RALYL: variants seen among roughly 807,000 people sequenced by gnomAD.
RALYL encodes the protein RNA-binding Raly-like protein.
In RALYL, 29 loss-of-function variants were observed where a neutral mutation model predicts 35.1. The observed-to-expected ratio is 0.83, with a 90% CI of 0.61 to 1.13. The LOEUF is 1.13. RALYL is among the 50% of genes most tolerant of loss of function. The pLI, the probability that RALYL is intolerant of heterozygous loss-of-function variation, is 0.00. For synonymous variants in RALYL, 120 were observed against 127.6 expected (o/e 0.94, Z 0.40); for missense variants, 359 against 360.4 (o/e 1.00, Z 0.03).
At chr8:84,336,757 C>T (rs567129116) in intron 1 of RALYL, among the ~76,000 whole-genome samples, 249 of 152,086 alleles carry the variant, frequency 1.6e-3, no homozygotes, top group African/African-American at 5.8e-3. Context: ...TACAGAGCCA[C>T]AACCATCACT....
At chr8:84,873,222 T>G in intron 6 of RALYL, 62 bp from the exon 7 acceptor site, 3 of 888,152 alleles carry the variant, frequency 3.4e-6, no homozygotes, top group Non-Finnish European at 5.4e-6. Flanking sequence ...GTGAGTTCGG[T>G]CCTAGGTGAG....
At chr8:84,839,151 G>A (rs1677816986) in intron 4 of RALYL, among the ~76,000 whole-genome samples, 1 of 152,176 alleles carries the variant, frequency 6.6e-6, no homozygotes, top group Admixed American at 6.5e-5. Flanking sequence ...CACTGAGTGT[G>A]AGCCAAAGCA....
chr8:84,530,763 A>G lies in RALYL; in HGVS notation c.256+1186A>G, dbSNP rs559175539. On this transcript the variant is annotated intron_variant, in intron 2 of 8. Transcript: ENST00000521268. Reference sequence around the variant, plus strand: ...CTTTCTCATACAGAATAAGATTCACATTCTATACCATACCTACAATGCCCT... The same window carrying G: ...CTTTCTCATACAGAATAAGATTCACGTTCTATACCATACCTACAATGCCCT... 8.3e-4 allele frequency among the ~76,000 whole-genome samples: 126 copies of G among 152,266 alleles called. 1 individual carries two copies. The Middle Eastern group carries it at 0.014, about 16-fold the overall frequency.
At chr8:84,357,297 A>G (rs1372098005) in intron 1 of RALYL, among the ~76,000 whole-genome samples, 1 of 152,054 alleles carries the variant, frequency 6.6e-6, no homozygotes, top group Non-Finnish European at 1.5e-5. Context: ...GAAATGTAAG[A>G]TCAACTGAAA....
intron 1 of RALYL, among the ~76,000 whole-genome samples, chr8:84,419,852 A>G (rs1222560007): frequency 6.6e-6 from 1 of 151,634 alleles, no homozygotes; most frequent in Admixed American, 6.6e-5. Flanking sequence ...AATTTCATCC[A>G]TGTCCCTACA....
At chr8:84,867,597 A>G (rs1839402824) in intron 6 of RALYL, among the ~76,000 whole-genome samples, 1 of 152,214 alleles carries the variant, frequency 6.6e-6, no homozygotes, top group Admixed American at 6.5e-5. Context: ...AGAAATCAGT[A>G]TGACGTGTAT....
At chr8:84,776,586 AT>A (rs1816901213) in intron 3 of RALYL, among the ~76,000 whole-genome samples, 1 of 152,242 alleles carries the variant, frequency 6.6e-6, no homozygotes, top group Non-Finnish European at 1.5e-5. Context: ...AAATGTATAC[AT>A]TAGAGCTGCA....
intron 1 of RALYL, among the ~76,000 whole-genome samples, chr8:84,233,568 G>T (rs936944312): frequency 6.6e-6 from 1 of 152,204 alleles, no homozygotes; most frequent in African/African-American, 2.4e-5. Context: ...GACTAGTACT[G>T]CTTCTTAGTC....
chr8:84,548,331 C>T (rs1320770), intron 2 of RALYL, among the ~76,000 whole-genome samples: 56,454 of 151,826 alleles, frequency 0.37, 10,579 homozygotes, highest in South Asian at 0.51. Context: ...CGAGTTCTGT[C>T]GCATGTTTAC....
At chr8:84,920,712 A>G (rs1285662831) in intron 8 of RALYL, among the ~76,000 whole-genome samples, 182 bp from the exon 9 acceptor site, 3 of 152,136 alleles carry the variant, frequency 2.0e-5, no homozygotes, top group African/African-American at 7.2e-5. Flanking sequence ...AAATAATTAT[A>G]GATTTGCCTA....
intron 2 of RALYL, among the ~76,000 whole-genome samples, chr8:84,662,076 A>T (rs1413569423): frequency 6.6e-6 from 1 of 152,160 alleles, no homozygotes; most frequent in Non-Finnish European, 1.5e-5. Context: ...AAAGTTTGAA[A>T]GCTATTCAAC....
At chr8:84,777,694 T>A (rs2465976) in intron 3 of RALYL, among the ~76,000 whole-genome samples, 34,796 of 151,970 alleles carry the variant, frequency 0.23, 4,213 homozygotes, top group Non-Finnish European at 0.25. Flanking sequence ...CAGGCTGGAG[T>A]GCAGTGTCGT....
intron 2 of RALYL, among the ~76,000 whole-genome samples, chr8:84,593,983 CAT>C (rs1813893949): frequency 6.6e-6 from 1 of 152,066 alleles, no homozygotes; most frequent in South Asian, 2.1e-4. Context: ...CTGCCTCACT[CAT>C]AGTAGCATTT....
At chr8:84,790,908 G>T (rs1287637848) in intron 3 of RALYL, among the ~76,000 whole-genome samples, 1 of 152,148 alleles carries the variant, frequency 6.6e-6, no homozygotes, top group Non-Finnish European at 1.5e-5. Context: ...GTAAGCTACG[G>T]TCTGTTTACA....
At chr8:84,522,442 G>A (rs923365328) in intron 1 of RALYL, among the ~76,000 whole-genome samples, 2 of 151,636 alleles carry the variant, frequency 1.3e-5, no homozygotes, top group African/African-American at 4.8e-5. Flanking sequence ...GTAGAGACGG[G>A]GTTTCACCGT....
In RALYL at chr8:84,882,064, A is replaced by G. The variant is rs190466462; in HGVS notation, c.686-5540A>G. ...AAGGACTAAAGTTAATGAATCTTAC[A>G]TGGTCAGCACTTCATAAGCACACAC... On this transcript the variant is annotated intron_variant, in intron 7 of 8. Transcript: ENST00000521268. 2.6e-3 allele frequency among the ~76,000 whole-genome samples: 397 copies of G among 152,124 alleles called. 2 individuals carry two copies. Among genetic ancestry groups the G allele is most frequent in the Middle Eastern group, 6.8e-3 (2 of 294 alleles).
chr8:84,197,326 A>G (rs542066729), intron 1 of RALYL, among the ~76,000 whole-genome samples: 1 of 152,186 alleles, frequency 6.6e-6, no homozygotes, highest in Non-Finnish European at 1.5e-5. Context: ...TTTTCTTCTT[A>G]TCAGACCAGT....
At chr8:84,401,561 C>T (rs913017944) in intron 1 of RALYL, among the ~76,000 whole-genome samples, 2 of 146,620 alleles carry the variant, frequency 1.4e-5, no homozygotes, top group African/African-American at 5.1e-5. Flanking sequence ...TGGCATGAAC[C>T]CGGGAGGCGG....
At chr8:84,873,144 G>A (rs780780519) in intron 6 of RALYL, 140 bp from the exon 7 acceptor site, 3 of 498,334 alleles carry the variant, frequency 6.0e-6, no homozygotes, top group Admixed American at 3.8e-5. Context: ...TAGAAGTAAT[G>A]TGAAGTTGAT....
Sources: allele counts gnomAD v4.1 joint callset (sites outside exome capture counted in the v4.1 genomes callset), GRCh38; gene constraint gnomAD v4.1.1; transcripts MANE v1.5; gene names NCBI Gene and HGNC (gene_info 2026-07-23, HGNC 2026-07-21).